Variants in WDR33 observed in about 807,000 individuals in gnomAD.
WDR33 encodes the protein WD repeat domain 33, also known as pre-mRNA 3' end processing protein WDR33.
A neutral mutation model predicts 164.9 loss-of-function variants in WDR33; 47 were observed. That is an observed-to-expected ratio of 0.29 (90% CI 0.23 to 0.36). The LOEUF is 0.36. WDR33 is among the 10% of genes least tolerant of loss of function. WDR33 has a pLI of 1.00. For synonymous variants in WDR33, 505 were observed against 589.0 expected, an observed-to-expected ratio of 0.86 and a Z score of 2.06; for missense variants, 1,137 against 1,754.1, an observed-to-expected ratio of 0.65 and a Z score of 6.28.
intron 7 of WDR33, among the ~76,000 whole-genome samples, chr2:127,759,965 C>A (rs1687629338): frequency 1.3e-5 from 2 of 152,152 alleles, no homozygotes; most frequent in Admixed American, 6.5e-5. Flanking sequence ...CTGAAAAACT[C>A]AGTCAAGAAG....
chr2:127,701,998 T>G lies in WDR33; in HGVS notation c.*4325A>C. On this transcript the variant is annotated 3_prime_UTR_variant, in exon 22 of 22. Transcript: ENST00000322313. Reference sequence around the variant, plus strand: ...TACATGGCAGCGCTGGGCGCCACGCTGTTCGCCGCGCTGGGCCTTCGCAGC... The same window carrying G: ...TACATGGCAGCGCTGGGCGCCACGCGGTTCGCCGCGCTGGGCCTTCGCAGC... 1 of 1,326,208 alleles carries G rather than the reference T, an allele frequency of 7.5e-7. No individual in the cohort carries two copies. Among genetic ancestry groups the G allele is most frequent in the Non-Finnish European group, 9.6e-7 (1 of 1,041,456 alleles). The allele number at this position is 1,326,208 out of a possible 1,614,324, so 82.2% of individuals were successfully genotyped here.
In WDR33 at chr2:127,727,599, C is replaced by T. The variant is rs114733284; in HGVS notation, c.725-822G>A. Among the ~76,000 whole-genome samples, 599 of 151,884 alleles carry T rather than the reference C, an allele frequency of 3.9e-3. 2 individuals carry two copies. The highest frequency in any genetic ancestry group is 5.5e-3 in the Non-Finnish European group (376 of 67,954). On this transcript the variant is annotated intron_variant, in intron 7 of 21. Transcript: ENST00000322313. ...TTCCAAGGATGGTTACTTCAGTAAC[C>T]ACCGTGCTAGAGCATTAGCTCACTT...
rs935773668 is a variant in WDR33 at position 127,735,987 on chromosome 2, A to T, written c.725-9210T>A. The T allele has an allele frequency of 2.8e-5, 28 of 985,340 alleles. No individual in the cohort carries two copies. Among genetic ancestry groups the T allele is most frequent in the Non-Finnish European group, 3.0e-5 (25 of 829,950 alleles). The allele number at this position is 985,340 out of a possible 1,614,324, so 61.0% of individuals were successfully genotyped here. A position where few individuals can be genotyped will look rare whatever the true frequency, so the allele number is the denominator to read the frequency against. On this transcript the variant is annotated intron_variant, in intron 7 of 21. Coordinates refer to ENST00000322313, the MANE Select transcript of WDR33 (RefSeq NM_018383.5). This position sits in a 1 kb window ranked among gnomAD's most constrained non-coding sequence, Gnocchi z 4.3. ...TGCCTAGGCAGGGCAGTGTTTTCACAATGTATGTTCCAACAATACAGTGCA... is the reference window on the plus strand; with the variant it reads ...TGCCTAGGCAGGGCAGTGTTTTCACTATGTATGTTCCAACAATACAGTGCA...
rs1362525246 is a variant in WDR33, at chr2:127,701,999, G to A, written c.*4324C>T. The A allele has an allele frequency of 5.3e-6, 7 of 1,324,770 alleles. No homozygotes were observed. Among genetic ancestry groups the A allele is most frequent in the Non-Finnish European group, 6.7e-6 (7 of 1,040,722 alleles). The allele number at this position is 1,324,770 out of a possible 1,614,324, so 82.1% of individuals were successfully genotyped here. ...ACATGGCAGCGCTGGGCGCCACGCT[G>A]TTCGCCGCGCTGGGCCTTCGCAGCA... On this transcript the variant is annotated 3_prime_UTR_variant, in exon 22 of 22. Transcript: ENST00000322313.
In WDR33 at chr2:127,713,921, G is replaced by C. The variant is rs773722068; in HGVS notation, c.2970C>G (p.Phe990Leu). The C allele has an allele frequency of 1.9e-6, 3 of 1,610,392 alleles. No individual in the cohort carries two copies. The East Asian group carries it at 6.7e-5, about 36-fold the overall frequency. ...GACCCCTGCAGTCCTGGCCACCCCG[G>C]AAAGGCCCCCTCTCGGGCCCATGCT... is the stretch of plus-strand genomic sequence containing the variant. The part of the protein sequence containing the change: ...GPEHGPERGP[F>L]RGGQDCRGPP... The change falls in exon 18 of 22, where the codon TTC becomes TTG. Residue 990 changes from phenylalanine (F) to leucine (L), a missense_variant. Physicochemically the swap from Phe to Leu is conservative, Grantham distance 22. Transcript: ENST00000322313. This position sits in a 1 kb window ranked among gnomAD's most constrained non-coding sequence, Gnocchi z 6.2.
chr2:127,762,047 A>G (rs1687694606), intron 7 of WDR33, among the ~76,000 whole-genome samples: 1 of 152,164 alleles, frequency 6.6e-6, no homozygotes, highest in South Asian at 2.1e-4. Context: ...ACTGTGAGAA[A>G]CTTAACGATT....
chr2:127,708,962 G>T lies in WDR33; in HGVS notation c.3566-70C>A. On this transcript the variant is annotated intron_variant, in intron 20 of 21. Coordinates refer to ENST00000322313, the MANE Select transcript of WDR33 (RefSeq NM_018383.5). The surrounding 1 kb of genome is among the most constrained non-coding windows in gnomAD (Gnocchi z 6.7). ...CAGAAGTAGATGGGAATGACACTGT[G>T]AGAGTAAGGAGCAACTCGAGAGCCA... 7.0e-7 allele frequency: 1 copy of T among 1,421,792 alleles called. No homozygotes were observed. The highest frequency in any genetic ancestry group is 9.3e-7 in the Non-Finnish European group (1 of 1,073,766). The allele number at this position is 1,421,792 out of a possible 1,614,324, so 88.1% of individuals were successfully genotyped here. A position where few individuals can be genotyped will look rare whatever the true frequency, so the allele number is the denominator to read the frequency against.
intron 18 of WDR33, among the ~76,000 whole-genome samples, chr2:127,711,790 T>TTTTTTTTTTA (rs70985474): frequency 4.6e-5 from 5 of 109,610 alleles, no homozygotes; most frequent in South Asian, 2.9e-4. Context: ...ATTTTTTTTT[T>TTTTTTTTTTA]GAGACAGAGT....
chr2:127,721,704 A>G lies in WDR33; in HGVS notation c.1671+132T>C. 1 of 933,886 alleles carries G rather than the reference A, an allele frequency of 1.1e-6. No individual in the cohort carries two copies. Among genetic ancestry groups the G allele is most frequent in the South Asian group, 2.5e-5 (1 of 39,772 alleles). 57.8% of individuals were successfully genotyped at this position (933,886 alleles called of 1,614,324 possible). ...CTTTTGGAAACTAGTCTTCTAGCAT[A>G]GCAACAGGAAATGGCGGTGTTTGTC... On this transcript the variant is annotated intron_variant, in intron 15 of 21. Transcript: ENST00000322313. The surrounding 1 kb of genome is among the most constrained non-coding windows in gnomAD (Gnocchi z 4.9).
intron 1 of WDR33, among the ~76,000 whole-genome samples, chr2:127,808,046 C>T (rs1373997664): frequency 6.6e-6 from 1 of 152,028 alleles, no homozygotes. Context: ...AAGATATATA[C>T]AAAATGCTTT....
chr2:127,709,019 C>T lies in WDR33; in HGVS notation c.3566-127G>A, dbSNP rs1686087605. Reference sequence around the variant, plus strand: ...ACTCATGCTGAATGCCCGCCAGAGGCCAAAGGGTAAGCCACCCAGACATCA... The same window carrying T: ...ACTCATGCTGAATGCCCGCCAGAGGTCAAAGGGTAAGCCACCCAGACATCA... On this transcript the variant is annotated intron_variant, in intron 20 of 21. Coordinates refer to ENST00000322313, the MANE Select transcript of WDR33 (RefSeq NM_018383.5). The surrounding 1 kb of genome is among the most constrained non-coding windows in gnomAD (Gnocchi z 5.0). The T allele has an allele frequency of 9.5e-7, 1 of 1,049,820 alleles. No individual in the cohort carries two copies. The highest frequency in any genetic ancestry group is 1.3e-6 in the Non-Finnish European group (1 of 768,422). 65.0% of individuals were successfully genotyped at this position (1,049,820 alleles called of 1,614,324 possible).
Position 127,720,035 on chromosome 2 carries a change from C to A in WDR33, c.1990G>T (p.Gly664Trp). Residue 664 changes from glycine (G) to tryptophan (W), a missense_variant, in exon 16 of 22, where the codon GGG (glycine) becomes TGG (tryptophan). By Grantham distance (184) the Gly-to-Trp change is radical. This residue lies in a region of WDR33 where 867 missense variants were observed against 1,073.0 expected (regional missense o/e 0.81). Transcript: ENST00000322313. This position sits in a 1 kb window ranked among gnomAD's most constrained non-coding sequence, Gnocchi z 5.9. ...GPQGPQGPPQ[G>W]LPRPQDMHGP... ...TGCATGTCCTGAGGCCGTGGCAACC[C>A]CTGGGGCGGGCCCTGGGGCCCCTGT... The A allele has an allele frequency of 6.2e-7, 1 of 1,613,834 alleles. No homozygotes were observed. Among genetic ancestry groups the A allele is most frequent in the East Asian group, 2.2e-5 (1 of 44,864 alleles).
intron 7 of WDR33, among the ~76,000 whole-genome samples, chr2:127,752,612 A>G (rs1343659970): frequency 4.6e-5 from 7 of 151,260 alleles, no homozygotes; most frequent in Admixed American, 1.3e-4. Flanking sequence ...AAAAAAAAAA[A>G]AAAAAAAAGA....
At chr2:127,755,434 A>G (rs1445501957) in intron 7 of WDR33, among the ~76,000 whole-genome samples, 1 of 152,234 alleles carries the variant, frequency 6.6e-6, no homozygotes, top group Non-Finnish European at 1.5e-5. Context: ...TTCCTCTACC[A>G]TGATCCACAA....
At chr2:127,749,618 T>G (rs1434192576) in intron 7 of WDR33, among the ~76,000 whole-genome samples, 14 of 146,576 alleles carry the variant, frequency 9.6e-5, no homozygotes, top group African/African-American at 3.5e-4. Context: ...GCTGAGATTG[T>G]GCCACTACAC....
intron 7 of WDR33, among the ~76,000 whole-genome samples, chr2:127,733,359 T>TA (rs1195790426): frequency 3.3e-5 from 5 of 152,166 alleles, no homozygotes; most frequent in African/African-American, 1.2e-4. Flanking sequence ...TGGCAGAGCT[T>TA]AAAGAAGCCA....
At chr2:127,804,252 C>T (rs1452074151) in intron 1 of WDR33, among the ~76,000 whole-genome samples, 3 of 151,916 alleles carry the variant, frequency 2.0e-5, no homozygotes, top group Non-Finnish European at 2.9e-5. Flanking sequence ...ACCCGGGAGG[C>T]GGAGCTTGCA....
rs1376223803 is a variant in WDR33, at chr2:127,764,645, A to G, written c.626+183T>C. Reference sequence around the variant, plus strand: ...CAAAGGCTGATACCGGGACAACACTACTTCAGAAAGGTGCCAGCAAAATGG... The same window carrying G: ...CAAAGGCTGATACCGGGACAACACTGCTTCAGAAAGGTGCCAGCAAAATGG... On this transcript the variant is annotated intron_variant, in intron 6 of 21. Transcript: ENST00000322313. This position sits in a 1 kb window ranked among gnomAD's most constrained non-coding sequence, Gnocchi z 6.2. 1.9e-6 allele frequency: 3 copies of G among 1,560,104 alleles called. No individual in the cohort carries two copies. Among genetic ancestry groups the G allele is most frequent in the Non-Finnish European group, 2.6e-6 (3 of 1,151,232 alleles).
chr2:127,762,393 A>T, intron 7 of WDR33: 2 of 535,354 alleles, frequency 3.7e-6, no homozygotes, highest in Non-Finnish European at 4.8e-6. Context: ...CACGTAACTC[A>T]CATTGATGTA....
Sources: gnomAD v4.1 joint callset for allele counts (sites outside exome capture counted in the v4.1 genomes callset) on GRCh38, gnomAD v4.1.1 for gene constraint, gnomAD v4.1.1 regional missense constraint, Gnocchi (gnomAD v3.1) non-coding constraint, MANE v1.5 for transcripts, NCBI Gene and HGNC (gene_info 2026-07-23, HGNC 2026-07-21) for gene names.